Variants in LPA observed in about 807,000 individuals in gnomAD.
LPA encodes the protein apolipoprotein(a).
Under a neutral mutation model 197.9 loss-of-function variants are expected in LPA, and 199 were observed. The ratio of observed to expected loss-of-function variants is 1.01; its 90% CI spans 0.90 to 1.13. The LOEUF (loss-of-function observed/expected upper bound fraction) is 1.13, where lower values mean the gene tolerates loss of function less well. LPA is among the 50% of genes most tolerant of loss of function. The pLI, the probability that LPA is intolerant of heterozygous loss-of-function variation, is 0.00. For synonymous variants in LPA, 715 were observed against 639.5 expected, an observed-to-expected ratio of 1.12 and a Z score of -1.78; for missense variants, 1,853 against 1,785.8, an observed-to-expected ratio of 1.04 and a Z score of -0.68.
Position 160,585,140 on chromosome 6 carries a change from T to G in LPA, c.4195A>C (p.Thr1399Pro), listed in dbSNP as rs41272110. The change falls in exon 26 of 39, where the codon ACA becomes CCA. Residue 1399 changes from threonine to proline, a missense_variant. Thr to Pro is a conservative substitution (Grantham distance 38). Transcript: ENST00000316300. Reference sequence around the variant, plus strand: ...CTTCCTGTGATAGTGGTGGAGAGTGTGCCTCGATAACTCTGTCCATCACCT... The same window carrying G: ...CTTCCTGTGATAGTGGTGGAGAGTGGGCCTCGATAACTCTGTCCATCACCT... ...YRGDGQSYRG[T>P]LSTTITGRTC... 0.13 allele frequency: 207,670 copies of G among 1,613,538 alleles called. 14,785 individuals carry two copies. The highest frequency in any genetic ancestry group is 0.14 in the Non-Finnish European group (170,532 of 1,179,560).
At position 160,598,155 on chromosome 6, in the gene LPA, T is replaced by G. The variant is rs564484728; in HGVS notation, c.3287+1345A>C. On this transcript the variant is annotated intron_variant, in intron 20 of 38. Coordinates refer to ENST00000316300, the MANE Select transcript of LPA (RefSeq NM_005577.4). Reference sequence around the variant, plus strand: ...ATTCCAGAGCACTATGTGAGCTCTGTCACCTTTATTAAGCTCACTGTTCCC... The same window carrying G: ...ATTCCAGAGCACTATGTGAGCTCTGGCACCTTTATTAAGCTCACTGTTCCC... Among the ~76,000 whole-genome samples, 6 of 152,360 alleles carry G rather than the reference T, an allele frequency of 3.9e-5. No homozygotes were observed. The South Asian group carries it at 1.2e-3, about 32-fold the overall frequency.
chr6:160,609,952 C>A (rs1454457559), intron 16 of LPA, among the ~76,000 whole-genome samples: 1 of 151,998 alleles, frequency 6.6e-6, no homozygotes, highest in Non-Finnish European at 1.5e-5. Context: ...TTAAGACATA[C>A]TTTTTGTATA....
At chr6:160,653,652 G>A (rs1489990355) in intron 1 of LPA, among the ~76,000 whole-genome samples, 1 of 151,160 alleles carries the variant, frequency 6.6e-6, no homozygotes, top group East Asian at 2.0e-4. Flanking sequence ...GATAAAAGAG[G>A]ACAGACTAAC....
chr6:160,576,995 AAAAG>A, intron 28 of LPA, 137 bp downstream of exon 28: 1 of 970,770 alleles, frequency 1.0e-6, no homozygotes. Context: ...CTCTTTGCTC[AAAAG>A]CAAAGGTCCT....
At position 160,541,160 on chromosome 6, in the gene LPA, T is replaced by C; in HGVS notation, c.5541A>G (p.Gly1847=). 1.9e-6 allele frequency: 3 copies of C among 1,614,020 alleles called. No homozygotes were observed. Among genetic ancestry groups the C allele is most frequent in the Non-Finnish European group, 1.7e-6 (2 of 1,179,868 alleles). The change falls in exon 35 of 39, where the codon GGA becomes GGG. Residue 1847 remains glycine (G), a synonymous_variant. Transcript: ENST00000316300. ...CCCACTCTGGGGATATTAAGGTGCC[T>C]CCACAGAAGTGCTTTCCAAACCTAG... ...LRTRFGKHFC[G]GTLISPEWVL... is the part of the protein sequence containing the mutation.
chr6:160,609,793 T>G (rs1374580529), intron 16 of LPA, among the ~76,000 whole-genome samples: 2 of 151,852 alleles, frequency 1.3e-5, no homozygotes, highest in African/African-American at 2.4e-5. Context: ...GTGTTAGAAC[T>G]TGTGAGTTTT....
chr6:160,582,026 C>A (rs148121795), intron 26 of LPA, among the ~76,000 whole-genome samples: 103 of 152,172 alleles, frequency 6.8e-4, no homozygotes, highest in Admixed American at 1.8e-3. Flanking sequence ...TCTTTCACAT[C>A]TTTTATTACA....
intron 27 of LPA, among the ~76,000 whole-genome samples, chr6:160,577,611 A>C (rs1778708956): frequency 6.6e-6 from 1 of 152,234 alleles, no homozygotes; most frequent in East Asian, 1.9e-4. Flanking sequence ...GAAGACCAGA[A>C]TGCAATGCAT....
chr6:160,541,841 T>C (rs981389316), intron 34 of LPA, among the ~76,000 whole-genome samples: 6 of 152,266 alleles, frequency 3.9e-5, no homozygotes, highest in African/African-American at 1.4e-4. Context: ...ATCTGAAATA[T>C]GTGGAAGGTG....
intron 36 of LPA, among the ~76,000 whole-genome samples, chr6:160,539,165 C>T (rs909427741): frequency 6.6e-6 from 1 of 152,174 alleles, no homozygotes; most frequent in Non-Finnish European, 1.5e-5. Flanking sequence ...CCAACCAGGC[C>T]ATGCTCATCC....
intron 1 of LPA, among the ~76,000 whole-genome samples, chr6:160,657,398 CTTTT>C (rs56850029): frequency 1.5e-5 from 2 of 134,650 alleles, no homozygotes; most frequent in African/African-American, 2.8e-5. Context: ...ACTATTATAA[CTTTT>C]TTTTTTTTTT....
At chr6:160,660,190 C>T (rs531822210) in intron 1 of LPA, among the ~76,000 whole-genome samples, 1 of 121,674 alleles carries the variant, frequency 8.2e-6, no homozygotes. Context: ...CTAACTGCAA[C>T]CGTGTATCTC....
intron 30 of LPA, among the ~76,000 whole-genome samples, chr6:160,549,449 C>G (rs1157205088): frequency 1.3e-5 from 2 of 152,174 alleles, no homozygotes; most frequent in Non-Finnish European, 2.9e-5. Context: ...CTGTCTAACT[C>G]TCTGTATCTC....
At chr6:160,557,111 T>C (rs1263042043) in intron 29 of LPA, among the ~76,000 whole-genome samples, 2 of 152,060 alleles carry the variant, frequency 1.3e-5, no homozygotes, top group Non-Finnish European at 2.9e-5. Context: ...TTTGGCCTGA[T>C]GTTAGAATTG....
At chr6:160,555,085 T>G (rs1459619653) in intron 30 of LPA, among the ~76,000 whole-genome samples, 1 of 152,024 alleles carries the variant, frequency 6.6e-6, no homozygotes, top group Non-Finnish European at 1.5e-5. Flanking sequence ...CCTGGTTTTT[T>G]GTCCATGTAC....
chr6:160,648,567 T>TG (rs1174313191), intron 2 of LPA, among the ~76,000 whole-genome samples: 2 of 152,096 alleles, frequency 1.3e-5, no homozygotes, highest in African/African-American at 4.8e-5. Flanking sequence ...TGTGTGTGTG[T>TG]GTTTGTAAGC....
rs550871204 is a variant in LPA, at chr6:160,556,831, A to G, written c.4813+559T>C. Among the ~76,000 whole-genome samples, 7 of 152,306 alleles carry G rather than the reference A, an allele frequency of 4.6e-5. No individual in the cohort carries two copies. In the South Asian group the frequency reaches 1.4e-3, roughly 32 times the overall value. On this transcript the variant is annotated intron_variant, in intron 29 of 38. Transcript: ENST00000316300. ...GATGCACGTTCCATGAGAAGAAGGC[A>G]CAAGAACACCAAGAAATTCCTGCCT... is the stretch of plus-strand genomic sequence containing the variant.
Position 160,602,653 on chromosome 6 carries a change from C to T in LPA, c.2946-1555G>A, listed in dbSNP as rs547008833. Reference sequence around the variant, plus strand: ...CTAGCTAATTTTCTTTGGGCAACATCTCTTGTTACACAAGCCTGCTGATTC... The same window carrying T: ...CTAGCTAATTTTCTTTGGGCAACATTTCTTGTTACACAAGCCTGCTGATTC... On this transcript the variant is annotated intron_variant, in intron 18 of 38. Coordinates refer to ENST00000316300, the MANE Select transcript of LPA (RefSeq NM_005577.4). 5.9e-5 allele frequency among the ~76,000 whole-genome samples: 9 copies of T among 152,340 alleles called. No individual in the cohort carries two copies. The South Asian group carries it at 1.9e-3, about 32-fold the overall frequency.
At chr6:160,661,834 A>G (rs549881509) in intron 1 of LPA, among the ~76,000 whole-genome samples, 1 of 152,340 alleles carries the variant, frequency 6.6e-6, no homozygotes, top group Admixed American at 6.5e-5. Context: ...TATAGCTCAC[A>G]GTGTGACTTC....
Sources: gnomAD v4.1 joint callset for allele counts (sites outside exome capture counted in the v4.1 genomes callset) on GRCh38, gnomAD v4.1.1 for gene constraint, MANE v1.5 for transcripts, NCBI Gene and HGNC (gene_info 2026-07-23, HGNC 2026-07-21) for gene names.